The following KIF13B variants were observed in gnomAD, a reference collection of about 807,000 sequenced individuals.
KIF13B encodes kinesin family member 13B, also known as kinesin-like protein KIF13B.
Under a neutral mutation model 222.0 loss-of-function variants are expected in KIF13B, and 127 were observed. The observed-to-expected ratio is 0.57, with a 90% CI of 0.50 to 0.66. The LOEUF (loss-of-function observed/expected upper bound fraction) is 0.66. KIF13B is among the 30% of genes least tolerant of loss of function. The pLI is 0.00. For missense variants in KIF13B, 2,173 were observed against 2,379.0 expected (o/e 0.91, Z 1.80); for synonymous variants, 976 against 919.0 (o/e 1.06, Z -1.12).
intron 36 of KIF13B, among the ~76,000 whole-genome samples, chr8:29,093,341 T>C (rs1039284353): frequency 3.9e-5 from 6 of 152,150 alleles, no homozygotes; most frequent in Admixed American, 3.9e-4. Context: ...AAACTGACCT[T>C]TTGGGAAAAG....
At chr8:29,102,821 A>G (rs1586779466) in intron 35 of KIF13B, among the ~76,000 whole-genome samples, 1 of 152,376 alleles carries the variant, frequency 6.6e-6, no homozygotes, top group South Asian at 2.1e-4. Flanking sequence ...AATTCTGCTA[A>G]CTGGGTATTT....
At chr8:29,124,269 C>A in intron 26 of KIF13B, 146 bp from the exon 27 acceptor site, 2 of 555,110 alleles carry the variant, frequency 3.6e-6, no homozygotes, top group East Asian at 3.0e-5. Flanking sequence ...CAGTTGACTG[C>A]GCCCATCTTT....
At chr8:29,225,348 A>C (rs1814973816) in intron 2 of KIF13B, among the ~76,000 whole-genome samples, 1 of 152,248 alleles carries the variant, frequency 6.6e-6, no homozygotes, top group African/African-American at 2.4e-5. Context: ...AAATAGGCAT[A>C]GAGAGATTAA....
intron 2 of KIF13B, among the ~76,000 whole-genome samples, chr8:29,223,927 G>A (rs1814888158): frequency 6.6e-6 from 1 of 151,800 alleles, no homozygotes; most frequent in Non-Finnish European, 1.5e-5. Flanking sequence ...TCCTGACCTT[G>A]TGATCCGCCC....
chr8:29,158,740 G>C, intron 13 of KIF13B, among the ~76,000 whole-genome samples: 1 of 152,250 alleles, frequency 6.6e-6, no homozygotes, highest in East Asian at 1.9e-4. Flanking sequence ...TAGCTTGGGC[G>C]ATCAAGAAAT....
At chr8:29,128,174 A>G (rs1030779748) in intron 24 of KIF13B, among the ~76,000 whole-genome samples, 5 of 150,758 alleles carry the variant, frequency 3.3e-5, no homozygotes, top group African/African-American at 1.2e-4. Context: ...AATAATCAGT[A>G]AATATGATTG....
chr8:29,113,579 T>C (rs925020984), intron 31 of KIF13B, 24 bp from the exon 32 acceptor site: 1 of 1,410,604 alleles, frequency 7.1e-7, no homozygotes, highest in Non-Finnish European at 9.8e-7. Context: ...AAATAGAAGA[T>C]ATGGTTTCCC....
At chr8:29,196,023 C>A (rs1339260665) in intron 3 of KIF13B, among the ~76,000 whole-genome samples, 164 bp downstream of exon 3, 2 of 152,218 alleles carry the variant, frequency 1.3e-5, no homozygotes, top group Non-Finnish European at 2.9e-5. Context: ...TCCGGCCCTT[C>A]CCATGCCAAT....
intron 14 of KIF13B, among the ~76,000 whole-genome samples, chr8:29,151,920 C>A (rs1811315983): frequency 6.6e-6 from 1 of 152,054 alleles, no homozygotes. Flanking sequence ...TGGATCTTGG[C>A]AAAGTAAGTT....
intron 26 of KIF13B, among the ~76,000 whole-genome samples, chr8:29,125,677 C>A (rs151013229): frequency 6.7e-6 from 1 of 149,552 alleles, no homozygotes; most frequent in African/African-American, 2.5e-5. Flanking sequence ...CAGTCCTGAA[C>A]GATGACTAAC....
chr8:29,262,708 G>A (rs1424995884), intron 1 of KIF13B, among the ~76,000 whole-genome samples: 2 of 151,582 alleles, frequency 1.3e-5, no homozygotes, highest in Admixed American at 6.6e-5. Context: ...AAAGGGCGCA[G>A]GGGCGGGGCG....
chr8:29,109,641 T>C, intron 33 of KIF13B, 130 bp from the exon 34 acceptor site: 1 of 812,396 alleles, frequency 1.2e-6, no homozygotes, highest in East Asian at 2.4e-5. Flanking sequence ...TGCTGTTACG[T>C]GATTATTACG....
At position 29,130,674 on chromosome 8, in the gene KIF13B, T is replaced by G. The variant is rs1356976696; in HGVS notation, c.2943-9A>C. Reference sequence around the variant, plus strand: ...TGGTCACTTCACTCCATCTAGGAAATAAGCGAAGTTCTTGGAAAATCATAC... The same window carrying G: ...TGGTCACTTCACTCCATCTAGGAAAGAAGCGAAGTTCTTGGAAAATCATAC... On this transcript the variant is annotated splice_polypyrimidine_tract_variant and intron_variant, in intron 23 of 39. Transcript: ENST00000524189. 6.2e-7 allele frequency: 1 copy of G among 1,613,552 alleles called. No homozygotes were observed. Among genetic ancestry groups the G allele is most frequent in the African/African-American group, 1.3e-5 (1 of 74,932 alleles).
intron 24 of KIF13B, among the ~76,000 whole-genome samples, chr8:29,128,147 AATATAT>A (rs1355220751): frequency 1.3e-5 from 2 of 149,576 alleles, no homozygotes; most frequent in Non-Finnish European, 3.0e-5. Flanking sequence ...TATAAATATA[AATATAT>A]AATTATAAAA....
At chr8:29,137,716 A>T (rs549635320) in intron 21 of KIF13B, among the ~76,000 whole-genome samples, 7 of 152,294 alleles carry the variant, frequency 4.6e-5, no homozygotes, top group African/African-American at 1.7e-4. Flanking sequence ...TATGGTCTCT[A>T]AAAACCACTT....
intron 19 of KIF13B, 57 bp from the exon 20 acceptor site, chr8:29,140,674 C>T: frequency 6.8e-7 from 1 of 1,477,406 alleles, no homozygotes; most frequent in African/African-American, 1.4e-5. Context: ...TAAATGCATT[C>T]AACCTACTGC....
At chr8:29,135,944 C>T (rs1810534967) in intron 21 of KIF13B, among the ~76,000 whole-genome samples, 1 of 110,674 alleles carries the variant, frequency 9.0e-6, no homozygotes, top group South Asian at 3.1e-4. Context: ...ATTGATGACA[C>T]ACAAAATTAC....
At chr8:29,199,547 T>C (rs1563781841) in intron 2 of KIF13B, among the ~76,000 whole-genome samples, 1 of 144,066 alleles carries the variant, frequency 6.9e-6, no homozygotes, top group Non-Finnish European at 1.5e-5. Context: ...GAAATGCTCA[T>C]TGCCCTTATG....
intron 11 of KIF13B, among the ~76,000 whole-genome samples, chr8:29,166,925 AAC>A (rs1477710322): frequency 6.6e-6 from 1 of 152,220 alleles, no homozygotes; most frequent in African/African-American, 2.4e-5. Flanking sequence ...ATTAATCCAC[AAC>A]ATGGAAAAGC....
Sources: allele counts gnomAD v4.1 joint callset (sites outside exome capture counted in the v4.1 genomes callset), GRCh38; gene constraint gnomAD v4.1.1; transcripts MANE v1.5; gene names NCBI Gene and HGNC (gene_info 2026-07-23, HGNC 2026-07-21).